The following B9D1 variants were observed in gnomAD, a reference collection of about 807,000 sequenced individuals.
B9D1 encodes B9 domain containing 1, also known as B9 domain-containing protein 1.
B9D1 carries 20 observed loss-of-function variants against 26.1 expected under a neutral mutation model. That is an observed-to-expected ratio of 0.77 (90% CI 0.54 to 1.12). The LOEUF is 1.12. Among genes scored for constraint, B9D1 ranks in the 50% most tolerant of loss-of-function variants. The probability of loss-of-function intolerance (pLI) is 0.00; values close to 1 mark genes in which losing one functional copy is unlikely to be tolerated. For missense variants in B9D1, 260 were observed against 273.7 expected (o/e 0.95, Z 0.35); for synonymous variants, 105 against 103.1 (o/e 1.02, Z -0.11).
chr17:19,344,387 A>G (rs998007309), intron 5 of B9D1: 4 of 219,202 alleles, frequency 1.8e-5, no homozygotes, highest in African/African-American at 9.5e-5. Context: ...CCATCTTGGC[A>G]CCCACCGCAG....
chr17:19,373,942 C>G (rs574492204), intron 1 of B9D1, among the ~76,000 whole-genome samples: 1 of 152,304 alleles, frequency 6.6e-6, no homozygotes, highest in South Asian at 2.1e-4. Context: ...CTCAAAAATC[C>G]TAGGTAGACA....
intron 2 of B9D1, 86 bp from the exon 3 acceptor site, chr17:19,358,037 G>A: frequency 2.0e-6 from 2 of 990,158 alleles, no homozygotes; most frequent in Non-Finnish European, 3.2e-6. Flanking sequence ...AGGCAGTTGG[G>A]AGGGCTGTTT....
At chr17:19,371,797 C>G (rs1279800142) in intron 1 of B9D1, among the ~76,000 whole-genome samples, 5 of 152,304 alleles carry the variant, frequency 3.3e-5, no homozygotes, top group East Asian at 1.9e-4. Context: ...GGTGGGGGTC[C>G]TGCAGAAAGA....
At chr17:19,343,172 G>C (rs1908177528), downstream of B9D1, 1 of 1,465,182 alleles carries the variant, frequency 6.8e-7, no homozygotes, top group Non-Finnish European at 9.0e-7. Context: ...CCCAGGCCTA[G>C]GCTCTCTGAA....
At chr17:19,346,817 T>A (rs1908867488) in intron 5 of B9D1, 1 of 996,780 alleles carries the variant, frequency 1.0e-6, no homozygotes, top group Non-Finnish European at 1.4e-6. Context: ...CTGTTCCCTG[T>A]GCCTGATGTT....
chr17:19,337,292 G>A (rs886982124), downstream of B9D1, among the ~76,000 whole-genome samples: 2 of 152,206 alleles, frequency 1.3e-5, no homozygotes, highest in Non-Finnish European at 2.9e-5. Flanking sequence ...CCAACCAGAC[G>A]AGGGCAGCGG....
chr17:19,349,893 T>C (rs1909358168), intron 3 of B9D1, among the ~76,000 whole-genome samples: 1 of 152,190 alleles, frequency 6.6e-6, no homozygotes, highest in South Asian at 2.1e-4. Flanking sequence ...CCATCTGAAA[T>C]TGACTTGTGT....
At chr17:19,348,549 A>C (rs77692499) in intron 3 of B9D1, among the ~76,000 whole-genome samples, 5,055 of 152,222 alleles carry the variant, frequency 0.033, 281 homozygotes, top group African/African-American at 0.11. Context: ...ATCATCTCTA[A>C]AACACATGAA....
At chr17:19,343,686 A>T in intron 6 of B9D1, 104 bp downstream of exon 6, 1 of 1,611,322 alleles carries the variant, frequency 6.2e-7, no homozygotes, top group Non-Finnish European at 8.5e-7. Flanking sequence ...GCTAGCTCCT[A>T]TGTGCCTGGC....
At chr17:19,352,789 G>A (rs1909800046) in intron 3 of B9D1, among the ~76,000 whole-genome samples, 1 of 151,988 alleles carries the variant, frequency 6.6e-6, no homozygotes, top group Admixed American at 6.5e-5. Flanking sequence ...CCAAAGTACT[G>A]GGATTACAGG....
At chr17:19,343,614 G>A (rs769668127) in intron 6 of B9D1, 153 bp from the exon 7 acceptor site, 1 of 1,573,024 alleles carries the variant, frequency 6.4e-7, no homozygotes, top group African/African-American at 1.4e-5. Flanking sequence ...GGGCTGCCGG[G>A]ACAGGCAGAC....
rs773192535 is a variant in B9D1, at chr17:19,343,818, C to A, written c.444G>T (p.Lys148Asn). The change falls in exon 6 of 7, where the codon AAG becomes AAT. Residue 148 changes from lysine to asparagine, a missense_variant. Transcript: ENST00000261499. Reference sequence around the variant, plus strand: ...CCCGGCCTTCACCCTGAGCCACCACCTTGGGGTCTGTGTACTCGGGCCGCC... The same window carrying A: ...CCCGGCCTTCACCCTGAGCCACCACATTGGGGTCTGTGTACTCGGGCCGCC... ...MGRRPEYTDP[K>N]VVAQGEGREV... The A allele has an allele frequency of 6.2e-7, 1 of 1,614,136 alleles. No homozygotes were observed. The highest frequency in any genetic ancestry group is 1.1e-5 in the South Asian group (1 of 91,086).
At chr17:19,355,110 G>A (rs1428090305) in intron 3 of B9D1, among the ~76,000 whole-genome samples, 1 of 152,028 alleles carries the variant, frequency 6.6e-6, no homozygotes, top group Admixed American at 6.6e-5. Flanking sequence ...TTCTATTCTT[G>A]GGTTTCACTG....
chr17:19,362,273 G>T (rs1911192584), intron 1 of B9D1, among the ~76,000 whole-genome samples: 1 of 152,242 alleles, frequency 6.6e-6, no homozygotes, highest in Non-Finnish European at 1.5e-5. Context: ...GCCCGAGTGT[G>T]ACCTCGGTAC....
intron 5 of B9D1, chr17:19,344,566 TC>T: frequency 4.2e-6 from 1 of 236,782 alleles, no homozygotes; most frequent in Non-Finnish European, 9.0e-6. Flanking sequence ...GCCGGGTGGG[TC>T]CAGCAGCCGC....
chr17:19,341,070 T>C, downstream of B9D1: 3 of 1,187,992 alleles, frequency 2.5e-6, no homozygotes, highest in Admixed American at 4.3e-5. Flanking sequence ...CACTGTAAAA[T>C]GATGTCAACT....
At chr17:19,337,146 G>A (rs1205796189), downstream of B9D1, among the ~76,000 whole-genome samples, 1 of 152,216 alleles carries the variant, frequency 6.6e-6, no homozygotes, top group Non-Finnish European at 1.5e-5. Context: ...GTCAGCTGAG[G>A]CAACAGAGGG....
Position 19,372,836 on chromosome 17 carries a change from C to G in B9D1, c.-298+5023G>C, listed in dbSNP as rs757203823. Among the ~76,000 whole-genome samples the G allele has an allele frequency of 6.6e-6, 1 of 152,250 alleles. No homozygotes were observed. The highest frequency in any genetic ancestry group is 2.4e-5 in the African/African-American group (1 of 41,476). On this transcript the variant is annotated intron_variant, in intron 1 of 5. Transcript: ENST00000477478. This position sits in a 1 kb window ranked among gnomAD's most constrained non-coding sequence, Gnocchi z 4.4. ...AACATCAGCAGAGCGGCACCCTGCT[C>G]GGACAATTCACCTGCGCTCCTCAAA...
At chr17:19,369,230 C>T (rs946621443) in intron 1 of B9D1, among the ~76,000 whole-genome samples, 4 of 152,070 alleles carry the variant, frequency 2.6e-5, no homozygotes, top group Non-Finnish European at 4.4e-5. Context: ...GAGTCATGCA[C>T]GGATCTGGGG....
Sources: gnomAD v4.1 joint callset for allele counts (sites outside exome capture counted in the v4.1 genomes callset) on GRCh38, gnomAD v4.1.1 for gene constraint, Gnocchi (gnomAD v3.1) non-coding constraint, MANE v1.5 for transcripts, NCBI Gene and HGNC (gene_info 2026-07-23, HGNC 2026-07-21) for gene names.